The following ZNF429 variants were observed in gnomAD, a reference collection of about 807,000 sequenced individuals.
ZNF429 encodes the protein zinc finger protein 429.
Under a neutral mutation model 56.8 loss-of-function variants are expected in ZNF429, and 53 were observed. The observed-to-expected ratio is 0.93, with a 90% CI of 0.75 to 1.17. The LOEUF is 1.17. Ranked by LOEUF, ZNF429 falls within the 50% of genes most tolerant of loss-of-function variation. The probability of loss-of-function intolerance (pLI) is 0.00; values close to 1 mark genes in which losing one functional copy is unlikely to be tolerated. For missense variants in ZNF429, 849 were observed against 788.4 expected (o/e 1.08, Z -0.92); for synonymous variants, 278 against 264.7 (o/e 1.05, Z -0.49).
intron 1 of ZNF429, chr19:21,518,865 A>G (rs141316878): frequency 1.1e-5 from 1 of 90,052 alleles, no homozygotes; most frequent in Non-Finnish European, 2.5e-5. Context: ...GCCCTGTATT[A>G]TATCTTTATC....
intron 3 of ZNF429, among the ~76,000 whole-genome samples, chr19:21,531,892 C>A: frequency 1.3e-5 from 2 of 151,006 alleles, no homozygotes; most frequent in East Asian, 3.9e-4. Context: ...ATTAAAAAAC[C>A]ATAAACAGTA....
chr19:21,529,453 T>TTC, intron 1 of ZNF429: 1 of 915,786 alleles, frequency 1.1e-6, no homozygotes, highest in Non-Finnish European at 1.3e-6. Flanking sequence ...TGCCACTATT[T>TTC]TCTCAAAGTT....
chr19:21,535,412 T>TTTTC, intron 3 of ZNF429, among the ~76,000 whole-genome samples: 60 of 55,374 alleles, frequency 1.1e-3, no homozygotes, highest in South Asian at 4.6e-3. Context: ...TTTCTTTTTC[T>TTTTC]TTTCTTTCTT....
intron 3 of ZNF429, among the ~76,000 whole-genome samples, chr19:21,535,470 TTC>T: frequency 9.1e-6 from 1 of 109,444 alleles, no homozygotes; most frequent in African/African-American, 3.9e-5. Context: ...CTTTCTTTCT[TTC>T]TTTCTTTCTT....
chr19:21,508,438 C>G (rs574889437), intron 1 of ZNF429, among the ~76,000 whole-genome samples: 1 of 152,280 alleles, frequency 6.6e-6, no homozygotes, highest in African/African-American at 2.4e-5. Context: ...AGTGATTGAA[C>G]TTGACACATG....
intron 1 of ZNF429, chr19:21,528,990 C>T (rs902825649): frequency 6.6e-6 from 1 of 151,668 alleles, no homozygotes; most frequent in Non-Finnish European, 1.5e-5. Context: ...GCAGCTGATG[C>T]CATCACATTT....
chr19:21,525,061 A>C (rs2033115343), intron 1 of ZNF429, among the ~76,000 whole-genome samples: 1 of 152,178 alleles, frequency 6.6e-6, no homozygotes, highest in Non-Finnish European at 1.5e-5. Flanking sequence ...TAAATGGTTG[A>C]ATGAAGCATC....
chr19:21,511,320 T>TG (rs2032455992), intron 1 of ZNF429, among the ~76,000 whole-genome samples: 1 of 150,596 alleles, frequency 6.6e-6, no homozygotes, highest in South Asian at 2.1e-4. Flanking sequence ...ACTGCCCAGA[T>TG]GGGACGGCTG....
intron 3 of ZNF429, among the ~76,000 whole-genome samples, chr19:21,533,530 C>G: frequency 1.4e-5 from 2 of 140,110 alleles, no homozygotes; most frequent in African/African-American, 5.3e-5. Flanking sequence ...AATGTCATGT[C>G]TTTCTTCTAT....
At chr19:21,508,682 T>G (rs978641940) in intron 1 of ZNF429, among the ~76,000 whole-genome samples, 7 of 131,666 alleles carry the variant, frequency 5.3e-5, no homozygotes, top group Non-Finnish European at 9.4e-5. Flanking sequence ...TAGAGTGAGT[T>G]TAGAAATTTT....
Position 21,530,612 on chromosome 19 carries a change from C to A in ZNF429, c.154C>A (p.Leu52Ile). ...FLGIAVSKPD[L>I]ITCLEKEKEP... ...AGGTATTGCTGTTTCTAAGCCAGACCTAATCACTTGTCTAGAGAAAGAAAA... is the reference window on the plus strand; with the variant it reads ...AGGTATTGCTGTTTCTAAGCCAGACATAATCACTTGTCTAGAGAAAGAAAA... The change falls in exon 3 of 4, where the codon CTA becomes ATA. Residue 52 changes from leucine (L) to isoleucine (I), a missense_variant. Coordinates refer to ENST00000358491, the MANE Select transcript of ZNF429 (RefSeq NM_001001415.4). 1 of 1,609,526 alleles carries A rather than the reference C, an allele frequency of 6.2e-7. No homozygotes were observed.
intron 1 of ZNF429, among the ~76,000 whole-genome samples, chr19:21,528,564 G>T (rs1029367018): frequency 1.3e-5 from 2 of 151,974 alleles, no homozygotes; most frequent in African/African-American, 2.4e-5. Context: ...AATTAGCCGG[G>T]CGTGGTGGCA....
In ZNF429 at chr19:21,529,804, A is replaced by C; in HGVS notation, c.130+20A>C. The C allele has an allele frequency of 2.8e-6, 4 of 1,438,644 alleles. No individual in the cohort carries two copies. The East Asian group carries it at 9.9e-5, about 36-fold the overall frequency. The allele number at this position is 1,438,644 out of a possible 1,614,324, so 89.1% of individuals were successfully genotyped here. A position where few individuals can be genotyped will look rare whatever the true frequency, so the allele number is the denominator to read the frequency against. On this transcript the variant is annotated intron_variant, in intron 2 of 3. Coordinates refer to ENST00000358491, the MANE Select transcript of ZNF429 (RefSeq NM_001001415.4). ...TCCTGGGTGAGAATAACTTCAATAC[A>C]ACATTCCTAATATACCCTAAATGTT...
chr19:21,539,482 C>T lies in ZNF429; in HGVS notation c.*1404C>T, dbSNP rs2033845333. Among the ~76,000 whole-genome samples the T allele has an allele frequency of 6.6e-6, 1 of 152,024 alleles. No homozygotes were observed. Among genetic ancestry groups the T allele is most frequent in the Admixed American group, 6.6e-5 (1 of 15,246 alleles). On this transcript the variant is annotated 3_prime_UTR_variant, in exon 4 of 4. Transcript: ENST00000358491. Reference sequence around the variant, plus strand: ...TGTTGCCTACGTTGGAGTTCAGTGGCACAATTTCAGCTTGCTGCCAACTTC... The same window carrying T: ...TGTTGCCTACGTTGGAGTTCAGTGGTACAATTTCAGCTTGCTGCCAACTTC...
At position 21,529,640 on chromosome 19, in the gene ZNF429, G is replaced by T. The variant is rs77074124; in HGVS notation, c.4-18G>T. 0.031 allele frequency: 47,418 copies of T among 1,511,606 alleles called. 803 individuals are homozygous for T. Among genetic ancestry groups the T allele is most frequent in the Non-Finnish European group, 0.035 (40,007 of 1,127,002 alleles). 93.6% of individuals were successfully genotyped at this position (1,511,606 alleles called of 1,614,324 possible). ...CTCTCTCTTTCTCTCTCCTTCTGTTGGTGTGTGTGTGTTTCAGGGACCATT... is the reference window on the plus strand; with the variant it reads ...CTCTCTCTTTCTCTCTCCTTCTGTTTGTGTGTGTGTGTTTCAGGGACCATT... On this transcript the variant is annotated intron_variant, in intron 1 of 3. Transcript: ENST00000358491.
intron 1 of ZNF429, among the ~76,000 whole-genome samples, chr19:21,519,906 G>A (rs1190616104): frequency 1.3e-5 from 2 of 150,332 alleles, no homozygotes; most frequent in Non-Finnish European, 2.9e-5. Context: ...TTGTTGCCCG[G>A]GCTGGAGTGC....
At chr19:21,512,742 G>A (rs1483481232) in intron 1 of ZNF429, among the ~76,000 whole-genome samples, 2 of 150,738 alleles carry the variant, frequency 1.3e-5, no homozygotes. Context: ...TGGTTTAAAT[G>A]CCTCTGACAG....
chr19:21,520,000 C>T (rs1009414604), intron 1 of ZNF429, among the ~76,000 whole-genome samples: 1 of 151,880 alleles, frequency 6.6e-6, no homozygotes, highest in African/African-American at 2.4e-5. Flanking sequence ...GGATTACAGG[C>T]ACCTGCCACC....
In ZNF429 at chr19:21,538,302, AAAG is replaced by A. The variant is rs796890973; in HGVS notation, c.*227_*229del. 1.7e-3 allele frequency among the ~76,000 whole-genome samples: 244 copies of A among 143,194 alleles called. 3 individuals carry two copies. Among genetic ancestry groups the A allele is most frequent in the African/African-American group, 6.1e-3 (230 of 38,000 alleles). The allele number at this position is 143,194 out of a possible 152,430, so 93.9% of individuals were successfully genotyped here. A position where few individuals can be genotyped will look rare whatever the true frequency, so the allele number is the denominator to read the frequency against. On this transcript the variant is annotated 3_prime_UTR_variant, in exon 4 of 4. Transcript: ENST00000358491. Reference sequence around the variant, plus strand: ...CAAAAAAAAAAAAAAAAAAAAAAGAAAAGAAAATTCATAGGCCAGGTATGGTGG... The same window carrying A: ...CAAAAAAAAAAAAAAAAAAAAAAGAAAAAATTCATAGGCCAGGTATGGTGG...
Sources: gnomAD v4.1 joint callset for allele counts (sites outside exome capture counted in the v4.1 genomes callset) on GRCh38, gnomAD v4.1.1 for gene constraint, MANE v1.5 for transcripts, NCBI Gene and HGNC (gene_info 2026-07-23, HGNC 2026-07-21) for gene names.